Variants in CAB39L observed in about 807,000 individuals in gnomAD.
The protein encoded by CAB39L is calcium binding protein 39 like.
Under a neutral mutation model 39.1 loss-of-function variants are expected in CAB39L, and 23 were observed. That is an observed-to-expected ratio of 0.59 (90% CI 0.42 to 0.83). CAB39L has a LOEUF of 0.83. CAB39L is among the 40% of genes least tolerant of loss of function. CAB39L has a pLI of 0.00. For missense variants in CAB39L, 366 were observed against 391.9 expected (o/e 0.93, Z 0.56); for synonymous variants, 126 against 137.2 (o/e 0.92, Z 0.57).
rs1471577743 is a variant in CAB39L at position 49,309,816 on chromosome 13, AATTT to A, written c.*994_*997del. 4.6e-5 allele frequency: 7 copies of A among 152,148 alleles called. No homozygotes were observed. Among genetic ancestry groups the A allele is most frequent in the African/African-American group, 1.7e-4 (7 of 41,436 alleles). 9.4% of individuals were successfully genotyped at this position (152,148 alleles called of 1,614,324 possible). A position where few individuals can be genotyped will look rare whatever the true frequency, so the allele number is the denominator to read the frequency against. ...CATCTGATACAATGGCTCTGAAAAA[AATTT>A]ATTGATGGATCTGAGAATTTTTTCA... On this transcript the variant is annotated 3_prime_UTR_variant, in exon 11 of 11. Transcript: ENST00000409308.
chr13:49,381,147 C>T (rs9535217), intron 4 of CAB39L, among the ~76,000 whole-genome samples: 6 of 152,150 alleles, frequency 3.9e-5, no homozygotes, highest in African/African-American at 1.2e-4. Flanking sequence ...AGGCTGATCT[C>T]GAACTCCTGA....
chr13:49,349,299 T>C (rs1472136917), intron 7 of CAB39L, among the ~76,000 whole-genome samples: 2 of 151,896 alleles, frequency 1.3e-5, no homozygotes, highest in Non-Finnish European at 2.9e-5. Context: ...TAAGGTAATA[T>C]ATAAAAAATA....
At chr13:49,316,393 C>T (rs1954159326) in intron 10 of CAB39L, among the ~76,000 whole-genome samples, 1 of 152,096 alleles carries the variant, frequency 6.6e-6, no homozygotes, top group African/African-American at 2.4e-5. Flanking sequence ...TTCTACCTAA[C>T]ATTTAAAGAA....
chr13:49,434,155 T>C lies in CAB39L; in HGVS notation c.-177A>G, dbSNP rs1957371049. ...ACCACTGATTTGGGGTTCGCATCTT[T>C]ACGTTCTGAACAGCAACTTAGAACA... On this transcript the variant is annotated 5_prime_UTR_variant, in exon 2 of 11. Coordinates refer to ENST00000409308, the MANE Select transcript of CAB39L (RefSeq NM_001079670.3). 2.2e-6 allele frequency: 1 copy of C among 456,952 alleles called. No individual in the cohort carries two copies. Among genetic ancestry groups the C allele is most frequent in the African/African-American group, 2.0e-5 (1 of 50,090 alleles). 28.3% of individuals were successfully genotyped at this position (456,952 alleles called of 1,614,324 possible). A position where few individuals can be genotyped will look rare whatever the true frequency, so the allele number is the denominator to read the frequency against.
At chr13:49,443,865 G>A (rs966959120) in intron 1 of CAB39L, 121 bp downstream of exon 1, 2 of 452,374 alleles carry the variant, frequency 4.4e-6, no homozygotes, top group Middle Eastern at 3.3e-4. Context: ...TCCTCCCTTA[G>A]GCCTCTCCTT....
chr13:49,353,131 A>C (rs764606332), intron 6 of CAB39L, among the ~76,000 whole-genome samples: 9 of 152,240 alleles, frequency 5.9e-5, no homozygotes, highest in Non-Finnish European at 1.3e-4. Context: ...GTAACATTAA[A>C]TGCTGATACA....
intron 3 of CAB39L, among the ~76,000 whole-genome samples, chr13:49,419,219 C>T (rs1003977845): frequency 2.4e-4 from 37 of 152,314 alleles, no homozygotes; most frequent in African/African-American, 8.4e-4. Context: ...CCACCCGCCT[C>T]GGCCTCCCAA....
chr13:49,377,899 G>C (rs1956127042), intron 4 of CAB39L, among the ~76,000 whole-genome samples: 1 of 78,650 alleles, frequency 1.3e-5, no homozygotes, highest in Admixed American at 1.1e-4. Flanking sequence ...ATCCCATCTA[G>C]GAAGTGAGGA....
intron 3 of CAB39L, among the ~76,000 whole-genome samples, chr13:49,417,145 T>C (rs2407613): frequency 0.54 from 82,835 of 152,048 alleles, 22,688 homozygotes; most frequent in South Asian, 0.64. Context: ...CTGATTAGTG[T>C]TGAATAGTTA....
chr13:49,344,351 C>T (rs569155442), intron 7 of CAB39L, 113 bp from the exon 8 acceptor site: 17 of 622,354 alleles, frequency 2.7e-5, no homozygotes, highest in South Asian at 1.0e-4. Context: ...TTTTCATTTG[C>T]GCCACAAAAT....
At chr13:49,375,426 ATACTT>A (rs892702359) in intron 5 of CAB39L, among the ~76,000 whole-genome samples, 24 of 152,344 alleles carry the variant, frequency 1.6e-4, no homozygotes, top group Admixed American at 7.8e-4. Flanking sequence ...CAGTAAGACT[ATACTT>A]TAATTTCACA....
In CAB39L at chr13:49,350,919, C is replaced by T. The variant is rs191587168; in HGVS notation, c.396-7G>A. The T allele has an allele frequency of 9.0e-6, 14 of 1,557,154 alleles. No individual in the cohort carries two copies. The highest frequency in any genetic ancestry group is 5.5e-5 in the African/African-American group (4 of 72,196). On this transcript the variant is annotated splice_region_variant and splice_polypyrimidine_tract_variant and intron_variant, in intron 6 of 10. Transcript: ENST00000409308. Reference sequence around the variant, plus strand: ...AATCTGTGGGGCTTCATATCTAAAGCGTAAACAAGAGAGAAATAGAGAACT... The same window carrying T: ...AATCTGTGGGGCTTCATATCTAAAGTGTAAACAAGAGAGAAATAGAGAACT...
At chr13:49,425,069 T>A (rs1322340607) in intron 3 of CAB39L, among the ~76,000 whole-genome samples, 5 of 152,034 alleles carry the variant, frequency 3.3e-5, no homozygotes, top group Non-Finnish European at 7.4e-5. Flanking sequence ...GCAATTCCAA[T>A]TAAATAAATA....
chr13:49,434,398 T>C lies in CAB39L; in HGVS notation c.-245-175A>G, dbSNP rs577667089. On this transcript the variant is annotated intron_variant, in intron 1 of 10. Transcript: ENST00000409308. ...GCTGCAAGAAACAAATGATATAGCATATATATATAGTGTCAGCAAAGTGTC... is the reference window on the plus strand; with the variant it reads ...GCTGCAAGAAACAAATGATATAGCACATATATATAGTGTCAGCAAAGTGTC... 2.0e-5 allele frequency among the ~76,000 whole-genome samples: 3 copies of C among 152,278 alleles called. No homozygotes were observed. In the East Asian group the frequency reaches 5.8e-4, roughly 29 times the overall value.
chr13:49,386,625 T>G (rs1380274170), intron 3 of CAB39L, among the ~76,000 whole-genome samples: 2 of 152,122 alleles, frequency 1.3e-5, no homozygotes, highest in Admixed American at 6.6e-5. Context: ...GTTTTAAAAT[T>G]TCATCTTATC....
chr13:49,387,878 A>C (rs2138609916), intron 3 of CAB39L, among the ~76,000 whole-genome samples: 2 of 152,306 alleles, frequency 1.3e-5, no homozygotes, highest in South Asian at 2.1e-4. Flanking sequence ...GCAGAATAAC[A>C]ATACAGAAAA....
chr13:49,401,130 C>A (rs969027392), intron 3 of CAB39L: 1 of 152,130 alleles, frequency 6.6e-6, no homozygotes, highest in Non-Finnish European at 1.5e-5. Flanking sequence ...TGTTGATACT[C>A]ACCAAATGTT....
intron 3 of CAB39L, among the ~76,000 whole-genome samples, chr13:49,392,147 T>G (rs1956501345): frequency 2.0e-5 from 3 of 152,128 alleles, no homozygotes; most frequent in African/African-American, 7.2e-5. Flanking sequence ...TGTATTTAGT[T>G]GTCATGAAGA....
At chr13:49,443,255 CGTT>C (rs919242102) in intron 1 of CAB39L, among the ~76,000 whole-genome samples, 5 of 151,866 alleles carry the variant, frequency 3.3e-5, no homozygotes, top group Non-Finnish European at 7.4e-5. Flanking sequence ...TTCAACATAT[CGTT>C]ATCGGGGAAA....
Sources: allele counts gnomAD v4.1 joint callset (sites outside exome capture counted in the v4.1 genomes callset), GRCh38; gene constraint gnomAD v4.1.1; transcripts MANE v1.5; gene names NCBI Gene and HGNC (gene_info 2026-07-23, HGNC 2026-07-21).